Variants in CTNNA3 observed in about 807,000 individuals in gnomAD.
The protein encoded by CTNNA3 is catenin alpha 3.
A neutral mutation model predicts 95.7 loss-of-function variants in CTNNA3; 76 were observed. The ratio of observed to expected loss-of-function variants is 0.79; its 90% confidence interval spans 0.66 to 0.96. CTNNA3 has a LOEUF of 0.96. CTNNA3 is among the 40% of genes least tolerant of loss of function. The pLI, the probability that CTNNA3 is intolerant of heterozygous loss-of-function variation, is 0.00. For synonymous variants in CTNNA3, 431 were observed against 374.4 expected, an observed-to-expected ratio of 1.15 and a Z score of -1.74; for missense variants, 1,191 against 1,089.8, an observed-to-expected ratio of 1.09 and a Z score of -1.31.
intron 7 of CTNNA3, among the ~76,000 whole-genome samples, chr10:66,995,898 T>G (rs1851302696): frequency 1.3e-5 from 2 of 152,202 alleles, no homozygotes; most frequent in Admixed American, 1.3e-4. Context: ...GAACTAATAT[T>G]TATGGAGTAC....
At position 66,289,612 on chromosome 10, in the gene CTNNA3, ACTC is replaced by A. The variant is rs1375743254; in HGVS notation, c.1733-8994_1733-8992del. Among the ~76,000 whole-genome samples, 4 of 151,756 alleles carry A rather than the reference ACTC, an allele frequency of 2.6e-5. No homozygotes were observed. In the South Asian group the frequency reaches 6.2e-4, roughly 24 times the overall value. ...AATATTTGTTGAATGAATGAAGAAA[ACTC>A]CTGTTTTAAATGCAGTAGGGGAGCT... On this transcript the variant is annotated intron_variant, in intron 12 of 17. Transcript: ENST00000433211.
chr10:67,732,410 TA>T (rs1415234495), intron 1 of CTNNA3, among the ~76,000 whole-genome samples: 1 of 152,230 alleles, frequency 6.6e-6, no homozygotes, highest in Non-Finnish European at 1.5e-5. Context: ...TCAAAAATCA[TA>T]ATGTTTACAA....
chr10:67,678,624 G>A (rs1045557932), intron 1 of CTNNA3, among the ~76,000 whole-genome samples: 1 of 152,184 alleles, frequency 6.6e-6, no homozygotes, highest in Non-Finnish European at 1.5e-5. Context: ...AGTAAGACAA[G>A]TATCTTAGAT....
intron 5 of CTNNA3, among the ~76,000 whole-genome samples, chr10:67,390,821 T>C (rs1306983784): frequency 1.4e-5 from 2 of 147,148 alleles, no homozygotes; most frequent in Non-Finnish European, 3.0e-5. Context: ...ATTATCTCAA[T>C]AGATGCAGAA....
At chr10:67,311,664 T>C (rs1451105283) in intron 5 of CTNNA3, among the ~76,000 whole-genome samples, 1 of 152,136 alleles carries the variant, frequency 6.6e-6, no homozygotes, top group Non-Finnish European at 1.5e-5. Context: ...GAATGTTTAG[T>C]AAAGCACACT....
intron 7 of CTNNA3, among the ~76,000 whole-genome samples, chr10:67,041,018 G>A (rs1854357817): frequency 6.6e-6 from 1 of 151,952 alleles, no homozygotes; most frequent in African/African-American, 2.4e-5. Flanking sequence ...ATTACAGTAG[G>A]AGAAAAAGCA....
chr10:66,558,505 T>C (rs114254318), intron 10 of CTNNA3, among the ~76,000 whole-genome samples: 2,549 of 152,220 alleles, frequency 0.017, 66 homozygotes, highest in African/African-American at 0.058. Flanking sequence ...AAAATTTAAG[T>C]AGTACTTTTG....
intron 13 of CTNNA3, among the ~76,000 whole-genome samples, chr10:66,234,142 T>C (rs1733069189): frequency 6.6e-6 from 1 of 152,150 alleles, no homozygotes; most frequent in Non-Finnish European, 1.5e-5. Context: ...ACTGATAATA[T>C]TCAACTTCTT....
chr10:66,442,461 C>T (rs1372155935), intron 11 of CTNNA3, among the ~76,000 whole-genome samples: 1 of 152,038 alleles, frequency 6.6e-6, no homozygotes, highest in Non-Finnish European at 1.5e-5. Flanking sequence ...TGGAGCAGTA[C>T]AAATTGCTTG....
chr10:66,664,229 T>C (rs146175421), intron 9 of CTNNA3, among the ~76,000 whole-genome samples: 1 of 152,240 alleles, frequency 6.6e-6, no homozygotes, highest in African/African-American at 2.4e-5. Flanking sequence ...TTTATAGGGT[T>C]GACATTGAAT....
At chr10:67,232,230 T>C (rs1865247279) in intron 5 of CTNNA3, among the ~76,000 whole-genome samples, 1 of 151,794 alleles carries the variant, frequency 6.6e-6, no homozygotes, top group South Asian at 2.1e-4. Context: ...AAAGTTAAAA[T>C]GAAGGAAAAA....
intron 5 of CTNNA3, among the ~76,000 whole-genome samples, chr10:67,490,988 C>A (rs1297849633): frequency 6.6e-6 from 1 of 151,724 alleles, no homozygotes; most frequent in African/African-American, 2.4e-5. Context: ...GTAAACCATC[C>A]CAAACCATCA....
At chr10:66,559,680 C>T (rs1372586959) in intron 10 of CTNNA3, among the ~76,000 whole-genome samples, 1 of 152,000 alleles carries the variant, frequency 6.6e-6, no homozygotes, top group Non-Finnish European at 1.5e-5. Flanking sequence ...ATGCTCATCT[C>T]TGGGTCTGAA....
intron 5 of CTNNA3, among the ~76,000 whole-genome samples, chr10:67,447,111 T>C (rs1846780780): frequency 6.6e-6 from 1 of 151,940 alleles, no homozygotes; most frequent in African/African-American, 2.4e-5. Flanking sequence ...TCTCAAAAAA[T>C]AAAAAACAAT....
chr10:67,078,622 T>A (rs113200767), intron 7 of CTNNA3, among the ~76,000 whole-genome samples: 2,370 of 152,190 alleles, frequency 0.016, 40 homozygotes, highest in Admixed American at 0.062. Context: ...GTTCAAGCAA[T>A]TCTCCTGCCT....
chr10:66,683,505 T>C (rs976124301), intron 9 of CTNNA3, among the ~76,000 whole-genome samples: 1 of 152,160 alleles, frequency 6.6e-6, no homozygotes, highest in Non-Finnish European at 1.5e-5. Context: ...TGGGCCAGCA[T>C]GTATTATGGA....
intron 13 of CTNNA3, among the ~76,000 whole-genome samples, chr10:66,265,860 G>C (rs2091135757): frequency 6.6e-6 from 1 of 151,554 alleles, no homozygotes; most frequent in African/African-American, 2.4e-5. Flanking sequence ...TTTACTCCCT[G>C]TCTCTTTCTA....
At chr10:67,641,858 G>A (rs58091685) in intron 2 of CTNNA3, among the ~76,000 whole-genome samples, 3 of 152,056 alleles carry the variant, frequency 2.0e-5, no homozygotes, top group Non-Finnish European at 2.9e-5. Context: ...GGCCTGTCGT[G>A]GGGTAGCCGG....
chr10:66,435,815 T>C (rs2131767127), intron 11 of CTNNA3, among the ~76,000 whole-genome samples: 1 of 152,350 alleles, frequency 6.6e-6, no homozygotes, highest in South Asian at 2.1e-4. Flanking sequence ...TGTGGGCACT[T>C]AGTGCTATAA....
Sources: gnomAD v4.1 joint callset for allele counts (sites outside exome capture counted in the v4.1 genomes callset) on GRCh38, gnomAD v4.1.1 for gene constraint, MANE v1.5 for transcripts, NCBI Gene and HGNC (gene_info 2026-07-23, HGNC 2026-07-21) for gene names.